RARA: variants seen among roughly 807,000 people sequenced by gnomAD.
RARA encodes PML-DDX5-RARA fusion.
Under a neutral mutation model 42.8 loss-of-function variants are expected in RARA, and 5 were observed. The observed-to-expected ratio is 0.12, with a 90% confidence interval of 0.06 to 0.25. The LOEUF (loss-of-function observed/expected upper bound fraction) is 0.25. RARA is among the 10% of genes least tolerant of loss of function. The pLI, the probability that RARA is intolerant of heterozygous loss-of-function variation, is 1.00. For missense variants in RARA, 402 were observed against 628.7 expected, an observed-to-expected ratio of 0.64 and a Z score of 3.86; for synonymous variants, 256 against 259.5, an observed-to-expected ratio of 0.99 and a Z score of 0.13.
At position 40,352,268 on chromosome 17, in the gene RARA, C is replaced by T. The variant is rs563139949; in HGVS notation, c.631-63C>T. On this transcript the variant is annotated intron_variant, in intron 5 of 8. Transcript: ENST00000254066. This position sits in a 1 kb window ranked among gnomAD's most constrained non-coding sequence, Gnocchi z 4.9. ...TGGGTAGAGGGCAGGCCTGTGGGGG[C>T]TGGAGCCAGGCTGAGAAGGGGTGCC... The T allele has an allele frequency of 6.1e-5, 94 of 1,541,950 alleles. No individual in the cohort carries two copies. In the African/African-American group the frequency reaches 1.2e-3, roughly 20 times the overall value.
Position 40,356,137 on chromosome 17 carries a change from G to C in RARA, c.1300G>C (p.Gly434Arg), listed in dbSNP as rs1055195329. 1 of 1,553,772 alleles carries C rather than the reference G, an allele frequency of 6.4e-7. No individual in the cohort carries two copies. The highest frequency in any genetic ancestry group is 8.7e-7 in the Non-Finnish European group (1 of 1,147,998). The change falls in exon 9 of 9, where the codon GGG becomes CGG. Residue 434 changes from glycine (G) to arginine (R), a missense_variant. Transcript: ENST00000254066. ...ACAGCCGGGGGGTGGGGGGCGGGACGGGGGTGGCCTGGCCCCCCCGCCAGG... is the reference window on the plus strand; with the variant it reads ...ACAGCCGGGGGGTGGGGGGCGGGACCGGGGTGGCCTGGCCCCCCCGCCAGG... ...SGQPGGGGRD[G>R]GGLAPPPGSC...
At chr17:40,343,028 C>A in intron 2 of RARA, 2 of 1,380,776 alleles carry the variant, frequency 1.4e-6, no homozygotes, top group Non-Finnish European at 9.5e-7. Context: ...CCCTCCCGGC[C>A]GCACCCTCCC....
rs567175498 is a variant in RARA at position 40,312,305 on chromosome 17, CAG to C, written c.-363+3020_-363+3021del. ...CTCTGTGATTGCAGGCACTTATGGG[CAG>C]GCCTCCCCCTAGGAAAGGGGTGTGG... On this transcript the variant is annotated intron_variant, in intron 1 of 8. Transcript: ENST00000254066. Among the ~76,000 whole-genome samples the C allele has an allele frequency of 1.2e-3, 183 of 152,318 alleles. 3 individuals are homozygous for C. In the Middle Eastern group the frequency reaches 0.014, roughly 11 times the overall value.
In RARA at chr17:40,351,964, C is replaced by T. The variant is rs770822935; in HGVS notation, c.524C>T (p.Ser175Phe). ...KKKEVPKPEC[S>F]ESYTLTPEVG... ...AAGGAGGTGCCCAAGCCCGAGTGCT[C>T]TGAGAGCTACACGCTGACGCCGGAG... Residue 175 changes from serine (S) to phenylalanine (F), a missense_variant, in exon 5 of 9, where the codon TCT becomes TTT. Ser to Phe is a radical substitution (Grantham distance 155). Around this residue, in one of 5 missense-constraint regions of RARA, gnomAD observed 130 missense variants for 267.9 expected, o/e 0.49. Coordinates refer to ENST00000254066, the MANE Select transcript of RARA (RefSeq NM_000964.4). This position sits in a 1 kb window ranked among gnomAD's most constrained non-coding sequence, Gnocchi z 4.1. 17 of 1,611,238 alleles carry T rather than the reference C, an allele frequency of 1.1e-5. No individual in the cohort carries two copies. The highest frequency in any genetic ancestry group is 1.4e-5 in the Non-Finnish European group (16 of 1,179,106).
At chr17:40,349,254 G>GGCCA (rs1412982455) in intron 3 of RARA, 3 of 160,388 alleles carry the variant, frequency 1.9e-5, no homozygotes, top group Non-Finnish European at 4.1e-5. Context: ...TGGAGCCCCT[G>GGCCA]GCCAGCCTGG....
intron 1 of RARA, among the ~76,000 whole-genome samples, chr17:40,324,142 C>T (rs1279588278): frequency 6.6e-6 from 1 of 152,060 alleles, no homozygotes; most frequent in African/African-American, 2.4e-5. Context: ...AAGCCCCGTG[C>T]CAGGCTGGAT....
At chr17:40,322,021 G>A (rs1231349048) in intron 1 of RARA, among the ~76,000 whole-genome samples, 2 of 152,158 alleles carry the variant, frequency 1.3e-5, no homozygotes, top group Non-Finnish European at 2.9e-5. Flanking sequence ...CTAGGGGTGT[G>A]GGGGTGTGTA....
In RARA at chr17:40,351,207, AGCTACCCCCACCTC is replaced by A. The variant is rs1035180199; in HGVS notation, c.470-693_470-680del. Among the ~76,000 whole-genome samples the A allele has an allele frequency of 6.7e-6, 1 of 149,954 alleles. No individual in the cohort carries two copies. The highest frequency in any genetic ancestry group is 1.5e-5 in the Non-Finnish European group (1 of 67,570). ...ACATGAGTGATCTCCAAATTATGCC[AGCTACCCCCACCTC>A]GCTACCCCCTCCCTGAGCCCCTCCC... On this transcript the variant is annotated intron_variant, in intron 4 of 8. Coordinates refer to ENST00000254066, the MANE Select transcript of RARA (RefSeq NM_000964.4). The surrounding 1 kb of genome is among the most constrained non-coding windows in gnomAD (Gnocchi z 4.1).
intron 1 of RARA, among the ~76,000 whole-genome samples, chr17:40,316,960 C>A (rs1477939443): frequency 6.6e-6 from 1 of 152,240 alleles, no homozygotes; most frequent in East Asian, 1.9e-4. Flanking sequence ...GCCCTCAGGG[C>A]AAAGGGTCCC....
rs1427039505 is a variant in RARA at position 40,351,951 on chromosome 17, A to G, written c.511A>G (p.Lys171Glu). The G allele has an allele frequency of 6.2e-7, 1 of 1,612,614 alleles. No individual in the cohort carries two copies. Among genetic ancestry groups the G allele is most frequent in the African/African-American group, 1.3e-5 (1 of 74,900 alleles). ...AAACAAGAAGAAGAAGGAGGTGCCC[A>G]AGCCCGAGTGCTCTGAGAGCTACAC... is the stretch of plus-strand genomic sequence containing the variant. ...DRNKKKKEVP[K>E]PECSESYTLT... Residue 171 changes from lysine to glutamate, a missense_variant, in exon 5 of 9, where the codon AAG (lysine) becomes GAG (glutamate). Around this residue, in one of 5 missense-constraint regions of RARA, gnomAD observed 130 missense variants for 267.9 expected, o/e 0.49. Coordinates refer to ENST00000254066, the MANE Select transcript of RARA (RefSeq NM_000964.4). This position sits in a 1 kb window ranked among gnomAD's most constrained non-coding sequence, Gnocchi z 4.1.
At chr17:40,309,538 AG>A (rs1325551975) in intron 1 of RARA, among the ~76,000 whole-genome samples, 5 of 152,154 alleles carry the variant, frequency 3.3e-5, no homozygotes, top group Non-Finnish European at 7.4e-5. Context: ...AGTGGGGAGT[AG>A]GGGGAAGGTC....
At chr17:40,311,812 G>A (rs559620157) in intron 1 of RARA, among the ~76,000 whole-genome samples, 1 of 152,290 alleles carries the variant, frequency 6.6e-6, no homozygotes, top group African/African-American at 2.4e-5. Flanking sequence ...ATCCCAGGTG[G>A]GACAGGGGTG....
chr17:40,354,407 C>A lies in RARA; in HGVS notation c.913C>A (p.Leu305Ile). ...TQMHNAGFGP[L>I]TDLVFAFANQ... ...GATGCACAACGCTGGCTTCGGCCCCCTCACCGACCTGGTCTTTGCCTTCGC... is the reference window on the plus strand; with the variant it reads ...GATGCACAACGCTGGCTTCGGCCCCATCACCGACCTGGTCTTTGCCTTCGC... Residue 305 changes from leucine (L) to isoleucine (I), a missense_variant, in exon 7 of 9, where the codon CTC becomes ATC. Physicochemically the swap from Leu to Ile is conservative, Grantham distance 5. Coordinates refer to ENST00000254066, the MANE Select transcript of RARA (RefSeq NM_000964.4). This position sits in a 1 kb window ranked among gnomAD's most constrained non-coding sequence, Gnocchi z 4.5. The A allele has an allele frequency of 1.2e-6, 2 of 1,614,198 alleles. No homozygotes were observed. The highest frequency in any genetic ancestry group is 1.7e-6 in the Non-Finnish European group (2 of 1,180,042).
In RARA at chr17:40,316,221, C is replaced by T. The variant is rs190187788; in HGVS notation, c.-363+6935C>T. 8.5e-4 allele frequency among the ~76,000 whole-genome samples: 129 copies of T among 152,344 alleles called. No homozygotes were observed. The Middle Eastern group carries it at 0.02, about 24-fold the overall frequency. On this transcript the variant is annotated intron_variant, in intron 1 of 8. Transcript: ENST00000254066. ...ACGGGTGCTGGTCTTGTTTGAGTGT[C>T]TGACCCCTGCGGGGGGTGGGTTTGT...
intron 2 of RARA, among the ~76,000 whole-genome samples, chr17:40,338,684 G>T (rs2033931704): frequency 7.5e-6 from 1 of 132,452 alleles, no homozygotes; most frequent in African/African-American, 3.0e-5. Context: ...TCCAGCCCGG[G>T]TAACAGAGCA....
chr17:40,338,295 T>TTCC (rs1885044934), intron 2 of RARA, among the ~76,000 whole-genome samples: 1 of 152,170 alleles, frequency 6.6e-6, no homozygotes, highest in Non-Finnish European at 1.5e-5. Context: ...CAGTGCCTTC[T>TTCC]TCCTCCTCCT....
At chr17:40,319,045 T>G (rs1458172832) in intron 1 of RARA, among the ~76,000 whole-genome samples, 2 of 152,134 alleles carry the variant, frequency 1.3e-5, no homozygotes, top group African/African-American at 4.8e-5. Context: ...GTGTGGGAAC[T>G]TTTTGGGGTG....
In RARA at chr17:40,352,005, G is replaced by T; in HGVS notation, c.565G>T (p.Glu189Ter). The change falls in exon 5 of 9, where the codon GAG becomes TAG. Residue 189 changes from glutamate to a stop codon, truncating the protein, a stop_gained. Transcript: ENST00000254066. LOFTEE classifies it high-confidence loss of function. The surrounding 1 kb of genome is among the most constrained non-coding windows in gnomAD (Gnocchi z 4.9). ...GACGCCGGAGGTGGGGGAGCTCATT[G>T]AGAAGGTGCGCAAAGCGCACCAGGA... is the stretch of plus-strand genomic sequence containing the variant. Reference protein sequence around the residue: ...TLTPEVGELIEKVRKAHQETF... With the variant: ...TLTPEVGELI 6.2e-7 allele frequency: 1 copy of T among 1,601,410 alleles called. No homozygotes were observed. Among genetic ancestry groups the T allele is most frequent in the South Asian group, 1.1e-5 (1 of 89,836 alleles).
rs746187167 is a variant in RARA at position 40,331,296 on chromosome 17, C to A, written c.78C>A (p.Phe26Leu). The change falls in exon 2 of 9, where the codon TTC (phenylalanine) becomes TTA (leucine). Residue 26 changes from phenylalanine to leucine, a missense_variant. Around this residue, in one of 5 missense-constraint regions of RARA, gnomAD observed 91 missense variants for 105.2 expected, o/e 0.87. Transcript: ENST00000254066. ...LNGYPVPPYA[F>L]FFPPMLGGLS... Reference sequence around the variant, plus strand: ...GGTACCCGGTGCCTCCCTACGCCTTCTTCTTCCCCCCTATGCTGGGTGGAC... The same window carrying A: ...GGTACCCGGTGCCTCCCTACGCCTTATTCTTCCCCCCTATGCTGGGTGGAC... 3 of 1,614,112 alleles carry A rather than the reference C, an allele frequency of 1.9e-6. No homozygotes were observed. The highest frequency in any genetic ancestry group is 2.2e-5 in the South Asian group (2 of 91,086).
Sources: gnomAD v4.1 joint callset for allele counts (sites outside exome capture counted in the v4.1 genomes callset) on GRCh38, gnomAD v4.1.1 for gene constraint, gnomAD v4.1.1 regional missense constraint, Gnocchi (gnomAD v3.1) non-coding constraint, MANE v1.5 for transcripts, NCBI Gene and HGNC (gene_info 2026-07-23, HGNC 2026-07-21) for gene names.